The following JADE1 variants were observed in gnomAD, a reference collection of about 807,000 sequenced individuals.
The protein encoded by JADE1 is protein Jade-1.
In JADE1, 14 loss-of-function variants were observed where a neutral mutation model predicts 81.8. That is an observed-to-expected ratio of 0.17 (90% confidence interval 0.11 to 0.27). The LOEUF is 0.27. JADE1 is among the 10% of genes least tolerant of loss of function. The pLI, the probability that JADE1 is intolerant of heterozygous loss-of-function variation, is 1.00. For missense variants in JADE1, 690 were observed against 1,047.9 expected, an observed-to-expected ratio of 0.66 and a Z score of 4.71; for synonymous variants, 353 against 391.9, an observed-to-expected ratio of 0.90 and a Z score of 1.17.
At chr4:128,812,555 G>GTCTCCCCTCGCCCCAGGATT (rs1371592959) in intron 1 of JADE1, among the ~76,000 whole-genome samples, 1 of 152,056 alleles carries the variant, frequency 6.6e-6, no homozygotes, top group Non-Finnish European at 1.5e-5. Flanking sequence ...CGCGTCCCGG[G>GTCTCCCCTCGCCCCAGGATT]TCTCCCCTCG....
At chr4:128,823,456 A>G (rs932517021) in intron 1 of JADE1, among the ~76,000 whole-genome samples, 7 of 152,230 alleles carry the variant, frequency 4.6e-5, no homozygotes, top group Admixed American at 1.3e-4. Context: ...TGCTCCTAAG[A>G]GTAAATATTA....
At chr4:128,822,662 TGAGCC>T (rs1727693419) in intron 1 of JADE1, among the ~76,000 whole-genome samples, 1 of 150,888 alleles carries the variant, frequency 6.6e-6, no homozygotes, top group Non-Finnish European at 1.5e-5. Flanking sequence ...GAGGTTGCGG[TGAGCC>T]GAGATCACAC....
At chr4:128,830,394 C>G (rs545963638) in intron 1 of JADE1, among the ~76,000 whole-genome samples, 5 of 151,830 alleles carry the variant, frequency 3.3e-5, no homozygotes, top group African/African-American at 1.2e-4. Flanking sequence ...CCACCACGCC[C>G]GGCTAATTTT....
chr4:128,829,008 G>A (rs968873403), intron 1 of JADE1, among the ~76,000 whole-genome samples: 14 of 152,138 alleles, frequency 9.2e-5, no homozygotes, highest in Admixed American at 2.0e-4. Flanking sequence ...GCTGTTAGGA[G>A]TGAGTGGTCT....
At chr4:128,834,239 A>G (rs1728788015) in intron 2 of JADE1, among the ~76,000 whole-genome samples, 2 of 152,188 alleles carry the variant, frequency 1.3e-5, no homozygotes, top group African/African-American at 2.4e-5. Context: ...CTGGAAGTCC[A>G]AGGTACTGGC....
At chr4:128,848,247 T>G (rs1730037939) in intron 4 of JADE1, among the ~76,000 whole-genome samples, 2 of 152,156 alleles carry the variant, frequency 1.3e-5, no homozygotes, top group Non-Finnish European at 2.9e-5. Flanking sequence ...GGTGCAATCT[T>G]GGCTCACTAC....
At chr4:128,839,677 T>C (rs993595840) in intron 2 of JADE1, among the ~76,000 whole-genome samples, 6 of 152,192 alleles carry the variant, frequency 3.9e-5, no homozygotes, top group African/African-American at 1.4e-4. Context: ...TGGTCTGGCT[T>C]CTTTCACTCA....
intron 4 of JADE1, among the ~76,000 whole-genome samples, chr4:128,848,229 A>T (rs1358030260): frequency 6.6e-6 from 1 of 151,966 alleles, no homozygotes; most frequent in African/African-American, 2.4e-5. Context: ...CCCAGGCTGG[A>T]GTGCAGTGGT....
chr4:128,811,083 CTGT>C (rs1726310437), intron 1 of JADE1, among the ~76,000 whole-genome samples: 1 of 152,178 alleles, frequency 6.6e-6, no homozygotes, highest in African/African-American at 2.4e-5. Context: ...GAGTTGGGGG[CTGT>C]TGTTCGGTAG....
Position 128,872,478 on chromosome 4 carries a change from G to T in JADE1, c.*216G>T, listed in dbSNP as rs1225091286. 5.5e-6 allele frequency: 3 copies of T among 549,150 alleles called. No individual in the cohort carries two copies. The highest frequency in any genetic ancestry group is 3.8e-5 in the African/African-American group (2 of 53,210). 34.0% of individuals were successfully genotyped at this position (549,150 alleles called of 1,614,324 possible). A position where few individuals can be genotyped will look rare whatever the true frequency, so the allele number is the denominator to read the frequency against. On this transcript the variant is annotated 3_prime_UTR_variant, in exon 11 of 11. Coordinates refer to ENST00000226319, the MANE Select transcript of JADE1 (RefSeq NM_199320.4). ...TGTTGAGGAAACAGAAGAGTAGATT[G>T]TAACCATAAGACACTGCTAAGACTA...
intron 9 of JADE1, 123 bp from the exon 10 acceptor site, chr4:128,867,733 T>A (rs1361998060): frequency 1.8e-6 from 1 of 549,604 alleles, no homozygotes; most frequent in East Asian, 2.9e-5. Context: ...AAGTACCTAT[T>A]GATTTCAAGT....
chr4:128,845,336 T>A (rs1029829092), intron 3 of JADE1, among the ~76,000 whole-genome samples: 1 of 152,192 alleles, frequency 6.6e-6, no homozygotes, highest in Non-Finnish European at 1.5e-5. Context: ...TGGGGAGCTC[T>A]CTCGGTAGAG....
chr4:128,815,103 G>T (rs1220704882), intron 1 of JADE1, among the ~76,000 whole-genome samples: 6 of 133,742 alleles, frequency 4.5e-5, no homozygotes, highest in Non-Finnish European at 9.8e-5. Flanking sequence ...AGGCTGGAGT[G>T]CAGGGGTGCG....
intron 1 of JADE1, among the ~76,000 whole-genome samples, chr4:128,821,926 T>C (rs1246441060): frequency 3.3e-5 from 5 of 152,242 alleles, no homozygotes; most frequent in African/African-American, 1.2e-4. Flanking sequence ...TTTTTACCTG[T>C]TTCAAAAACT....
At chr4:128,839,203 A>T (rs1360058163) in intron 2 of JADE1, among the ~76,000 whole-genome samples, 1 of 152,142 alleles carries the variant, frequency 6.6e-6, no homozygotes, top group Non-Finnish European at 1.5e-5. Flanking sequence ...GTGGCTCTTG[A>T]TAGATTAACT....
At chr4:128,830,147 A>T (rs1728423051) in intron 1 of JADE1, among the ~76,000 whole-genome samples, 1 of 151,336 alleles carries the variant, frequency 6.6e-6, no homozygotes, top group African/African-American at 2.4e-5. Context: ...AAGTGCAGGG[A>T]TTACAGGTAT....
intron 8 of JADE1, among the ~76,000 whole-genome samples, chr4:128,859,493 ATGTG>A (rs1560771745): frequency 6.6e-6 from 1 of 151,538 alleles, no homozygotes; most frequent in Non-Finnish European, 1.5e-5. Context: ...GTGAGTATGC[ATGTG>A]TATGTGTGTA....
intron 9 of JADE1, chr4:128,863,512 G>A: frequency 1.0e-6 from 1 of 985,428 alleles, no homozygotes; most frequent in Non-Finnish European, 1.2e-6. Flanking sequence ...CTTAAAGGGA[G>A]CATTAGAGAT....
intron 2 of JADE1, among the ~76,000 whole-genome samples, chr4:128,842,566 C>T (rs1729531434): frequency 6.6e-6 from 1 of 152,188 alleles, no homozygotes; most frequent in African/African-American, 2.4e-5. Flanking sequence ...TCCCAAAGTG[C>T]TGGGATTACA....
Sources: gnomAD v4.1 joint callset for allele counts (sites outside exome capture counted in the v4.1 genomes callset) on GRCh38, gnomAD v4.1.1 for gene constraint, MANE v1.5 for transcripts, NCBI Gene and HGNC (gene_info 2026-07-23, HGNC 2026-07-21) for gene names.